CTBP1: variants seen among roughly 807,000 people sequenced by gnomAD.
CTBP1 encodes C-terminal binding protein 1, also known as C-terminal-binding protein 1.
In CTBP1, 11 loss-of-function variants were observed where a neutral mutation model predicts 42.1. That is an observed-to-expected ratio of 0.26 (90% CI 0.16 to 0.43). The LOEUF is 0.43. Among genes scored for constraint, CTBP1 ranks in the 20% least tolerant of loss-of-function variants. The probability of loss-of-function intolerance (pLI) is 1.00; values close to 1 mark genes in which losing one functional copy is unlikely to be tolerated. For synonymous variants in CTBP1, 324 were observed against 277.1 expected (o/e 1.17, Z -1.68); for missense variants, 399 against 624.3 (o/e 0.64, Z 3.85).
rs1233270560 is a variant in CTBP1, at chr4:1,241,317, C to G, written c.7+8G>C. On this transcript the variant is annotated splice_region_variant and intron_variant, in intron 2 of 9. Transcript: ENST00000382952. ...ACTCTGCCGCCGACGCCAGGAACCC[C>G]TACCAACCTGACATCTCTTAATATG... 4 of 850,014 alleles carry G rather than the reference C, an allele frequency of 4.7e-6. No individual in the cohort carries two copies. The highest frequency in any genetic ancestry group is 1.7e-5 in the African/African-American group (1 of 60,368). 52.7% of individuals were successfully genotyped at this position (850,014 alleles called of 1,614,324 possible).
At chr4:1,250,332 C>T (rs1733196705), upstream of CTBP1, 1 of 278,090 alleles carries the variant, frequency 3.6e-6, no homozygotes, top group East Asian at 8.3e-5. Flanking sequence ...CGAGCTGTGG[C>T]CTGGAGGAAA....
In CTBP1 at chr4:1,233,846, G is replaced by A. The variant is rs1490399793; in HGVS notation, c.162+4337C>T. ...TTCTGCCCCAGGAGGCAGAATTCCT[G>A]ACTAACAGTGGCACACAAAGCAGGT... On this transcript the variant is annotated intron_variant, in intron 3 of 9. Transcript: ENST00000382952. The surrounding 1 kb of genome is among the most constrained non-coding windows in gnomAD (Gnocchi z 4.6). Among the ~76,000 whole-genome samples, 1 of 152,196 alleles carries A rather than the reference G, an allele frequency of 6.6e-6. No individual in the cohort carries two copies. The highest frequency in any genetic ancestry group is 1.5e-5 in the Non-Finnish European group (1 of 68,036).
chr4:1,233,948 C>T lies in CTBP1; in HGVS notation c.162+4235G>A, dbSNP rs1731223460. ...CTGCCCTCTCCACAGCCACGAGGGT[C>T]CCTGCCTCCTGCCTTGTTGCTCCAC... On this transcript the variant is annotated intron_variant, in intron 3 of 9. Transcript: ENST00000382952. This position sits in a 1 kb window ranked among gnomAD's most constrained non-coding sequence, Gnocchi z 4.6. Among the ~76,000 whole-genome samples, 1 of 152,242 alleles carries T rather than the reference C, an allele frequency of 6.6e-6. No individual in the cohort carries two copies. The highest frequency in any genetic ancestry group is 6.5e-5 in the Admixed American group (1 of 15,290).
At chr4:1,213,206 G>A (rs955247381) in intron 8 of CTBP1, among the ~76,000 whole-genome samples, 176 bp from the exon 9 acceptor site, 52 of 152,264 alleles carry the variant, frequency 3.4e-4, no homozygotes, top group African/African-American at 1.2e-3. Flanking sequence ...CCCTTGCAGC[G>A]TGGGGACCCC....
At chr4:1,241,808 C>T in intron 1 of CTBP1, 1 of 1,178,982 alleles carries the variant, frequency 8.5e-7, no homozygotes. Context: ...GCCACCCCCA[C>T]AGGCTCTAGC....
At chr4:1,232,130 ACCT>A (rs1297389581) in intron 3 of CTBP1, among the ~76,000 whole-genome samples, 1 of 152,098 alleles carries the variant, frequency 6.6e-6, no homozygotes, top group Non-Finnish European at 1.5e-5. Flanking sequence ...TGCAGCCTTG[ACCT>A]CCTAGGCTGA....
intron 5 of CTBP1, among the ~76,000 whole-genome samples, chr4:1,221,166 C>T (rs547183180): frequency 5.6e-4 from 86 of 152,338 alleles, no homozygotes; most frequent in African/African-American, 1.9e-3. Context: ...AAAAGACGGC[C>T]GGAGGTGCTC....
intron 6 of CTBP1, chr4:1,215,755 A>C: frequency 3.5e-6 from 2 of 566,634 alleles, no homozygotes; most frequent in East Asian, 3.0e-5. Flanking sequence ...GTTCAAAGGT[A>C]TGAGGTTCTG....
intron 3 of CTBP1, among the ~76,000 whole-genome samples, chr4:1,231,318 T>C (rs3775100): frequency 0.42 from 63,988 of 152,048 alleles, 13,691 homozygotes; most frequent in South Asian, 0.5. Context: ...AGGAGGTGGG[T>C]GCAGCCAGGT....
At chr4:1,237,923 T>C (rs1431661193) in intron 3 of CTBP1, 1 of 701,188 alleles carries the variant, frequency 1.4e-6, no homozygotes, top group Non-Finnish European at 2.6e-6. Context: ...ACAAACGTGG[T>C]GTCCACCTCC....
intron 1 of CTBP1, 148 bp downstream of exon 1, chr4:1,248,768 C>G: frequency 1.0e-6 from 1 of 973,264 alleles, no homozygotes; most frequent in Non-Finnish European, 1.2e-6. Context: ...CGCGGCCACG[C>G]GCGGACGCCG....
intron 4 of CTBP1, 138 bp downstream of exon 4, chr4:1,228,060 CG>C: frequency 8.5e-7 from 1 of 1,175,884 alleles, no homozygotes; most frequent in Non-Finnish European, 1.2e-6. Flanking sequence ...CGGCCCCAGA[CG>C]GGACCACGAA....
intron 3 of CTBP1, chr4:1,236,830 G>A: frequency 1.5e-6 from 1 of 648,738 alleles, no homozygotes; most frequent in African/African-American, 1.9e-5. Context: ...ACCTCCTGAT[G>A]GGGCTCAGGA....
At chr4:1,244,444 TGGTCCTCA>T in intron 1 of CTBP1, 1 of 984,696 alleles carries the variant, frequency 1.0e-6, no homozygotes, top group Non-Finnish European at 1.2e-6. Context: ...CCTCAGCACC[TGGTCCTCA>T]TCCCCGCCTG....
chr4:1,213,414 C>T lies in CTBP1; in HGVS notation c.988+64G>A, dbSNP rs1467486818. 1.3e-5 allele frequency: 21 copies of T among 1,595,690 alleles called. No homozygotes were observed. The South Asian group carries it at 1.4e-4, about 11-fold the overall frequency. On this transcript the variant is annotated intron_variant, in intron 8 of 9. Transcript: ENST00000382952. ...GCCTGGCTGCCAGGCGGATGCGAGCCCATGAGCATCTGGGGCTGGCAGGAA... is the reference window on the plus strand; with the variant it reads ...GCCTGGCTGCCAGGCGGATGCGAGCTCATGAGCATCTGGGGCTGGCAGGAA...
intron 4 of CTBP1, among the ~76,000 whole-genome samples, chr4:1,225,854 C>A (rs1318390323): frequency 5.9e-5 from 9 of 152,136 alleles, no homozygotes; most frequent in Middle Eastern, 3.4e-3. Flanking sequence ...CCTGACCCCT[C>A]CCGACTCAGC....
At chr4:1,221,595 G>T (rs1729740831) in intron 5 of CTBP1, 1 of 222,334 alleles carries the variant, frequency 4.5e-6, no homozygotes, top group Non-Finnish European at 9.4e-6. Flanking sequence ...ACACAGGTGA[G>T]ACCCAGAGGC....
intron 1 of CTBP1, 156 bp downstream of exon 1, chr4:1,248,760 C>A: frequency 9.2e-6 from 9 of 976,952 alleles, no homozygotes; most frequent in Non-Finnish European, 1.1e-5. Flanking sequence ...CCCCCGACCG[C>A]GGCCACGCGC....
rs930196918 is a variant in CTBP1 at position 1,245,040 on chromosome 4, G to A, written c.-188-3521C>T. ...CATGGAGCCACTGGGCTGAGAGCACGGGGCCAAGAGAACCTCCCCCAGACA... is the reference window on the plus strand; with the variant it reads ...CATGGAGCCACTGGGCTGAGAGCACAGGGCCAAGAGAACCTCCCCCAGACA... On this transcript the variant is annotated intron_variant, in intron 1 of 9. Transcript: ENST00000382952. The A allele has an allele frequency of 2.4e-5, 24 of 985,426 alleles. No individual in the cohort carries two copies. In the Admixed American group the frequency reaches 3.7e-4, roughly 15 times the overall value. The allele number at this position is 985,426 out of a possible 1,614,324, so 61.0% of individuals were successfully genotyped here. A position where few individuals can be genotyped will look rare whatever the true frequency, so the allele number is the denominator to read the frequency against.
Sources: gnomAD v4.1 joint callset for allele counts (sites outside exome capture counted in the v4.1 genomes callset) on GRCh38, gnomAD v4.1.1 for gene constraint, Gnocchi (gnomAD v3.1) non-coding constraint, MANE v1.5 for transcripts, NCBI Gene and HGNC (gene_info 2026-07-23, HGNC 2026-07-21) for gene names.